Variants in ATP6V0E1 observed in about 807,000 individuals in gnomAD.
ATP6V0E1 encodes V-type proton ATPase subunit e 1.
Under a neutral mutation model 11.6 loss-of-function variants are expected in ATP6V0E1, and 4 were observed. The observed-to-expected ratio is 0.35, with a 90% CI of 0.17 to 0.79. The LOEUF (loss-of-function observed/expected upper bound fraction) is 0.79. Ranked by LOEUF, ATP6V0E1 falls within the 30% of genes least tolerant of loss-of-function variation. The probability of loss-of-function intolerance (pLI) is 0.54; values close to 1 mark genes in which losing one functional copy is unlikely to be tolerated. For missense variants in ATP6V0E1, 105 were observed against 100.0 expected (o/e 1.05, Z -0.21); for synonymous variants, 36 against 34.8 (o/e 1.04, Z -0.13).
At chr5:173,032,253 AT>A in intron 3 of ATP6V0E1, among the ~76,000 whole-genome samples, 1 of 124,362 alleles carries the variant, frequency 8.0e-6, no homozygotes. Context: ...ATTTTATTTT[AT>A]TTATTTATTT....
intron 1 of ATP6V0E1, among the ~76,000 whole-genome samples, chr5:172,989,982 T>C (rs1755956832): frequency 1.3e-5 from 2 of 152,122 alleles, no homozygotes; most frequent in Admixed American, 6.6e-5. Flanking sequence ...ACAACAGGCA[T>C]GCACCACCAT....
chr5:173,026,923 TC>T (rs1172080319), intron 3 of ATP6V0E1, among the ~76,000 whole-genome samples: 1 of 152,120 alleles, frequency 6.6e-6, no homozygotes, highest in Non-Finnish European at 1.5e-5. Context: ...ATGCCTGTAA[TC>T]CCAGCACTTT....
rs538210275 is a variant in ATP6V0E1 at position 173,017,840 on chromosome 5, C to CAAA, written c.153-2380_153-2378dup. On this transcript the variant is annotated intron_variant, in intron 2 of 3. Coordinates refer to ENST00000519374, the MANE Select transcript of ATP6V0E1 (RefSeq NM_003945.4). ...TGGACAACAGAACGAGACTCCTTCT[C>CAAA]AAAAAAAAAAAAAAAAAAAAGAAAA... Among the ~76,000 whole-genome samples, 88 of 66,522 alleles carry CAAA rather than the reference C, an allele frequency of 1.3e-3. 1 individual carries two copies. The East Asian group carries it at 0.02, about 15-fold the overall frequency. The allele number at this position is 66,522 out of a possible 152,430, so 43.6% of individuals were successfully genotyped here.
intron 1 of ATP6V0E1, among the ~76,000 whole-genome samples, chr5:172,985,764 G>A (rs765539509): frequency 1.7e-4 from 26 of 152,164 alleles, no homozygotes; most frequent in Non-Finnish European, 3.2e-4. Context: ...TAGCCCTAGA[G>A]AGTGTCATGA....
In ATP6V0E1 at chr5:172,983,878, C is replaced by T. The variant is rs1755841148; in HGVS notation, c.18C>T (p.Leu6=). The T allele has an allele frequency of 1.2e-6, 2 of 1,613,648 alleles. No homozygotes were observed. The highest frequency in any genetic ancestry group is 1.7e-6 in the Non-Finnish European group (2 of 1,179,836). ...CGGCGACCATGGCGTATCACGGCCTCACTGTGCCTCTCATTGTGATGAGCG... is the reference window on the plus strand; with the variant it reads ...CGGCGACCATGGCGTATCACGGCCTTACTGTGCCTCTCATTGTGATGAGCG... MAYHG[L]TVPLIVMSVF... is the part of the protein sequence containing the mutation. Residue 6 remains leucine (L), a synonymous_variant, in exon 1 of 4, where the codon CTC becomes CTT. Transcript: ENST00000519374.
rs985173956 is a variant in ATP6V0E1, at chr5:173,001,075, C to T, written c.152+6253C>T. On this transcript the variant is annotated intron_variant, in intron 2 of 3. Coordinates refer to ENST00000519374, the MANE Select transcript of ATP6V0E1 (RefSeq NM_003945.4). ...TTGTAAGCACAGTTTCCTTACAGGGCTGGTATAGTGAATATTTTACTTAGC... is the reference window on the plus strand; with the variant it reads ...TTGTAAGCACAGTTTCCTTACAGGGTTGGTATAGTGAATATTTTACTTAGC... Among the ~76,000 whole-genome samples the T allele has an allele frequency of 1.3e-4, 20 of 152,144 alleles. 1 individual carries two copies. Among genetic ancestry groups the T allele is most frequent in the Admixed American group, 1.0e-3 (16 of 15,264 alleles).
intron 3 of ATP6V0E1, chr5:173,020,903 T>G (rs768245246): frequency 3.8e-6 from 2 of 520,000 alleles, no homozygotes; most frequent in Non-Finnish European, 7.7e-6. Context: ...CTTTGGCTGC[T>G]TAGTTCTAGT....
In ATP6V0E1 at chr5:173,030,793, G is replaced by T. The variant is rs186723432; in HGVS notation, c.*37-3606G>T. ...AGATGGAATCTCGCTCTGTCACCCA[G>T]ACTGGAGTGCAGTGGCGCAATCTTG... On this transcript the variant is annotated intron_variant, in intron 3 of 3. Transcript: ENST00000519374. Among the ~76,000 whole-genome samples, 764 of 151,828 alleles carry T rather than the reference G, an allele frequency of 5.0e-3. 8 individuals carry two copies. The highest frequency in any genetic ancestry group is 0.018 in the African/African-American group (728 of 41,366).
intron 2 of ATP6V0E1, among the ~76,000 whole-genome samples, chr5:173,010,683 C>G (rs1477795566): frequency 6.6e-6 from 1 of 152,168 alleles, no homozygotes; most frequent in Admixed American, 6.5e-5. Flanking sequence ...TTTCTGCTGT[C>G]TCTTAAGGAG....
chr5:173,006,980 A>C (rs960398703), intron 2 of ATP6V0E1, among the ~76,000 whole-genome samples: 1 of 152,190 alleles, frequency 6.6e-6, no homozygotes, highest in South Asian at 2.1e-4. Flanking sequence ...GGCAGATAAG[A>C]GGAATTTTAG....
chr5:173,020,263 C>G lies in ATP6V0E1; in HGVS notation c.178C>G (p.Leu60Val). ...TTGGCTGATTGCAATTCTGGCCCAA[C>G]TCAACCCTCTCTTTGGACCGCAATT... The part of the protein sequence containing the change: ...LFWLIAILAQ[L>V]NPLFGPQLKN... Residue 60 changes from leucine to valine, a missense_variant, in exon 3 of 4, where the codon CTC becomes GTC. Coordinates refer to ENST00000519374, the MANE Select transcript of ATP6V0E1 (RefSeq NM_003945.4). 6.2e-7 allele frequency: 1 copy of G among 1,613,900 alleles called. No homozygotes were observed. Among genetic ancestry groups the G allele is most frequent in the South Asian group, 1.1e-5 (1 of 91,068 alleles).
At chr5:173,032,586 C>T (rs557744866) in intron 3 of ATP6V0E1, among the ~76,000 whole-genome samples, 6 of 152,102 alleles carry the variant, frequency 3.9e-5, no homozygotes, top group Admixed American at 1.3e-4. Context: ...CCACTGTGCC[C>T]GGCCTACATT....
chr5:173,032,253 A>T (rs1011780237), intron 3 of ATP6V0E1, among the ~76,000 whole-genome samples: 19 of 124,368 alleles, frequency 1.5e-4, no homozygotes, highest in Non-Finnish European at 2.5e-4. Context: ...ATTTTATTTT[A>T]TTTATTTATT....
At chr5:173,022,274 T>G (rs1756497844) in intron 3 of ATP6V0E1, among the ~76,000 whole-genome samples, 1 of 152,210 alleles carries the variant, frequency 6.6e-6, no homozygotes, top group Non-Finnish European at 1.5e-5. Context: ...TTGCCTCCCA[T>G]CTGGAGAAAC....
At chr5:173,009,263 G>T (rs1013516512) in intron 2 of ATP6V0E1, among the ~76,000 whole-genome samples, 11 of 151,662 alleles carry the variant, frequency 7.3e-5, no homozygotes, top group Non-Finnish European at 1.5e-4. Context: ...TAAAATAAAA[G>T]AACTCGCCTG....
At chr5:172,985,200 G>C (rs1244866588) in intron 1 of ATP6V0E1, among the ~76,000 whole-genome samples, 4 of 148,578 alleles carry the variant, frequency 2.7e-5, no homozygotes, top group South Asian at 2.1e-4. Context: ...AGCCGAGATC[G>C]CGCCACTGCA....
chr5:172,995,763 C>T (rs566362976), intron 2 of ATP6V0E1, among the ~76,000 whole-genome samples: 7 of 152,098 alleles, frequency 4.6e-5, no homozygotes, highest in Non-Finnish European at 1.0e-4. Flanking sequence ...TATAGTCATG[C>T]GCCACCATGC....
chr5:173,031,442 G>A (rs866184133), intron 3 of ATP6V0E1, among the ~76,000 whole-genome samples: 5 of 138,238 alleles, frequency 3.6e-5, no homozygotes, highest in African/African-American at 8.3e-5. Flanking sequence ...TTTTTGAGAC[G>A]TGCAAAATGA....
intron 1 of ATP6V0E1, among the ~76,000 whole-genome samples, chr5:172,986,139 C>G (rs951815885): frequency 6.6e-6 from 1 of 152,172 alleles, no homozygotes; most frequent in Non-Finnish European, 1.5e-5. Flanking sequence ...GAGTCAGTGA[C>G]TGGTGAGTGA....
Sources: gnomAD v4.1 joint callset for allele counts (sites outside exome capture counted in the v4.1 genomes callset) on GRCh38, gnomAD v4.1.1 for gene constraint, MANE v1.5 for transcripts, NCBI Gene and HGNC (gene_info 2026-07-23, HGNC 2026-07-21) for gene names.